Variants in HMGN5 observed in about 807,000 individuals in gnomAD.
HMGN5 encodes the protein high mobility group nucleosome-binding domain-containing protein 5.
In HMGN5, 4 loss-of-function variants were observed where a neutral mutation model predicts 9.5. The ratio of observed to expected loss-of-function variants is 0.42; its 90% CI spans 0.21 to 0.96. The LOEUF (loss-of-function observed/expected upper bound fraction) is 0.96, where lower values mean the gene tolerates loss of function less well. Ranked by LOEUF, HMGN5 falls within the 40% of genes least tolerant of loss-of-function variation. The pLI, the probability that HMGN5 is intolerant of heterozygous loss-of-function variation, is 0.30. For synonymous variants in HMGN5, 55 were observed against 57.1 expected (o/e 0.96, Z 0.16); for missense variants, 192 against 187.5 (o/e 1.02, Z -0.14).
intron 1 of HMGN5, among the ~76,000 whole-genome samples, chrX:81,156,295 C>T (rs2075382750): frequency 8.9e-6 from 1 of 111,922 alleles, no homozygotes; most frequent in African/African-American, 3.2e-5. Flanking sequence ...CAAGGTAGGC[C>T]AAGGTATGGA....
chrX:81,196,437 G>A (rs1011261007), intron 1 of HMGN5, among the ~76,000 whole-genome samples: 1 of 110,867 alleles, frequency 9.0e-6, no homozygotes, highest in Non-Finnish European at 1.9e-5. Context: ...CATGTCTAGA[G>A]AGAGACCAGG....
intron 1 of HMGN5, among the ~76,000 whole-genome samples, chrX:81,152,061 T>G (rs1264605165): frequency 8.9e-6 from 1 of 111,740 alleles, no homozygotes; most frequent in Non-Finnish European, 1.9e-5. Context: ...ACCTAGGCAT[T>G]ACCATTCAGG....
chrX:81,116,301 T>C lies in HMGN5; in HGVS notation c.170A>G (p.Asp57Gly). ...TTCAGCAACTGCTTGGGCACTTGTA[T>C]CTATGTTTTCTTCCATCATATCACT... The part of the protein sequence containing the change: ...TKSDMMEENI[D>G]TSAQAVAETK... Residue 57 changes from aspartate to glycine, a missense_variant, in exon 6 of 7, where the codon GAT becomes GGT. Coordinates refer to ENST00000358130, the MANE Select transcript of HMGN5 (RefSeq NM_030763.3). 1 of 1,191,516 alleles carries C rather than the reference T, an allele frequency of 8.4e-7. No individual in the cohort carries two copies. Among genetic ancestry groups the C allele is most frequent in the Non-Finnish European group, 1.1e-6 (1 of 878,584 alleles).
intron 1 of HMGN5, among the ~76,000 whole-genome samples, chrX:81,146,208 G>A (rs2075343253): frequency 8.9e-6 from 1 of 111,764 alleles, no homozygotes; most frequent in African/African-American, 3.3e-5. Flanking sequence ...ATTCTTCTCA[G>A]CACCACATCA....
Position 81,114,955 on chromosome X carries a change from G to A in HMGN5, c.543C>T (p.Asp181=), listed in dbSNP as rs763411401. 15 of 1,132,118 alleles carry A rather than the reference G, an allele frequency of 1.3e-5. No individual in the cohort carries two copies. Among genetic ancestry groups the A allele is most frequent in the Middle Eastern group, 3.4e-4 (1 of 2,950 alleles). 93.3% of individuals were successfully genotyped at this position (1,132,118 alleles called of 1,213,427 possible). Residue 181 remains aspartate (D), a synonymous_variant, in exon 7 of 7, where the codon GAC becomes GAT. Coordinates refer to ENST00000358130, the MANE Select transcript of HMGN5 (RefSeq NM_030763.3). ...TTCCATCTTCTCCATTTCCTTTTCCGTCTTCACCTTTTTTTCCATCTTCTT... is the reference window on the plus strand; with the variant it reads ...TTCCATCTTCTCCATTTCCTTTTCCATCTTCACCTTTTTTTCCATCTTCTT... ...KEKEDGKKGE[D]GKGNGEDGKE...
At chrX:81,164,900 T>A (rs1342483104) in intron 1 of HMGN5, among the ~76,000 whole-genome samples, 3 of 111,399 alleles carry the variant, frequency 2.7e-5, no homozygotes, top group African/African-American at 9.8e-5. Context: ...CTCACTAGAC[T>A]ATAACCTCTT....
chrX:81,124,285 C>T (rs190539055), intron 1 of HMGN5, among the ~76,000 whole-genome samples: 35 of 112,533 alleles, frequency 3.1e-4, no homozygotes, highest in South Asian at 7.3e-4. Flanking sequence ...TTAACCAGAG[C>T]GGTCCTTTAC....
At chrX:81,116,450 T>A in intron 5 of HMGN5, 109 bp from the exon 6 acceptor site, 1 of 487,427 alleles carries the variant, frequency 2.1e-6, no homozygotes, top group Non-Finnish European at 3.3e-6. Context: ...GCAAACTCTT[T>A]AAAGTATCAC....
At chrX:81,172,132 C>T (rs1021598214) in intron 1 of HMGN5, among the ~76,000 whole-genome samples, 1 of 110,214 alleles carries the variant, frequency 9.1e-6, no homozygotes, top group Non-Finnish European at 1.9e-5. Context: ...CAAAGAGCAA[C>T]ACTTCACTCT....
At chrX:81,170,071 A>C (rs1484258671) in intron 1 of HMGN5, among the ~76,000 whole-genome samples, 2 of 108,055 alleles carry the variant, frequency 1.9e-5, no homozygotes, top group Non-Finnish European at 3.8e-5. Flanking sequence ...AAAAAAAAAA[A>C]AACCATGGAG....
At chrX:81,119,952 G>A in intron 2 of HMGN5, 135 bp from the exon 3 acceptor site, 1 of 556,182 alleles carries the variant, frequency 1.8e-6, no homozygotes, top group South Asian at 3.2e-5. Context: ...AAGTAGACAC[G>A]TGTTGTTTCT....
At chrX:81,143,285 A>G (rs1192651227) in intron 1 of HMGN5, among the ~76,000 whole-genome samples, 2 of 111,852 alleles carry the variant, frequency 1.8e-5, no homozygotes, top group African/African-American at 3.2e-5. Flanking sequence ...TTACTTATCA[A>G]TAATAACACT....
intron 1 of HMGN5, among the ~76,000 whole-genome samples, chrX:81,165,037 A>G (rs1022565518): frequency 7.2e-5 from 8 of 111,447 alleles, no homozygotes; most frequent in African/African-American, 2.0e-4. Context: ...CTCACTTTCT[A>G]TCTGGGAGAC....
In HMGN5 at chrX:81,199,089, C is replaced by G. The variant is rs184168405; in HGVS notation, c.-124+2648G>C. Reference sequence around the variant, plus strand: ...AGCATTCCTATACACCAATAACAGACAAACAGAGAGCCAAATCATGAGTGA... The same window carrying G: ...AGCATTCCTATACACCAATAACAGAGAAACAGAGAGCCAAATCATGAGTGA... On this transcript the variant is annotated intron_variant, in intron 1 of 6. Coordinates refer to ENST00000358130, the MANE Select transcript of HMGN5 (RefSeq NM_030763.3). Among the ~76,000 whole-genome samples, 347 of 111,654 alleles carry G rather than the reference C, an allele frequency of 3.1e-3. 1 individual carries two copies. Among genetic ancestry groups the G allele is most frequent in the Middle Eastern group, 0.014 (3 of 216 alleles).
At chrX:81,180,219 A>G (rs1424777926) in intron 1 of HMGN5, among the ~76,000 whole-genome samples, 1 of 111,842 alleles carries the variant, frequency 8.9e-6, no homozygotes, top group South Asian at 3.7e-4. Context: ...TAATTAAACT[A>G]AAGAGCTTTT....
chrX:81,137,775 A>G (rs943379885), intron 1 of HMGN5, among the ~76,000 whole-genome samples: 31 of 112,011 alleles, frequency 2.8e-4, no homozygotes, highest in African/African-American at 9.7e-4. Context: ...TGATTCTCAA[A>G]CAAATTATAA....
chrX:81,115,133 T>G lies in HMGN5; in HGVS notation c.365A>C (p.Glu122Ala), dbSNP rs1282927028. The G allele has an allele frequency of 2.8e-5, 33 of 1,162,402 alleles. No individual in the cohort carries two copies. Among genetic ancestry groups the G allele is most frequent in the Non-Finnish European group, 3.7e-5 (32 of 871,495 alleles). The part of the protein sequence containing the change: ...GGEKKEAVAA[E>A]VKNEEEDQKE... ...CTGATCTTCTTCTTCATTTTTTACT[T>G]CTGCTGCCACTGCTTCTTTCTTTTC... The change falls in exon 7 of 7, where the codon GAA becomes GCA. Residue 122 changes from glutamate (E) to alanine (A), a missense_variant. Physicochemically the swap from Glu to Ala is moderately radical, Grantham distance 107. Transcript: ENST00000358130.
intron 1 of HMGN5, among the ~76,000 whole-genome samples, chrX:81,159,068 A>C (rs1056949875): frequency 1.8e-5 from 2 of 111,711 alleles, no homozygotes; most frequent in Non-Finnish European, 3.8e-5. Context: ...AAGGAATGAG[A>C]CCATGTTCTT....
At chrX:81,195,247 G>C (rs1289590071) in intron 1 of HMGN5, 2 of 111,799 alleles carry the variant, frequency 1.8e-5, no homozygotes, top group Non-Finnish European at 3.8e-5. Flanking sequence ...GAAGGTCCAA[G>C]AGTCCCAAAG....
Sources: gnomAD v4.1 joint callset for allele counts (sites outside exome capture counted in the v4.1 genomes callset) on GRCh38, gnomAD v4.1.1 for gene constraint, MANE v1.5 for transcripts, NCBI Gene and HGNC (gene_info 2026-07-23, HGNC 2026-07-21) for gene names.